EP400: variants seen among roughly 807,000 people sequenced by gnomAD.
EP400 encodes the protein E1A-binding protein p400.
Under a neutral mutation model 354.1 loss-of-function variants are expected in EP400, and 105 were observed. The ratio of observed to expected loss-of-function variants is 0.30; its 90% CI spans 0.25 to 0.35. EP400 has a LOEUF of 0.35. Among genes scored for constraint, EP400 ranks in the 10% least tolerant of loss-of-function variants. The pLI, the probability that EP400 is intolerant of heterozygous loss-of-function variation, is 1.00. For synonymous variants in EP400, 1,646 were observed against 1,716.9 expected (o/e 0.96, Z 1.02); for missense variants, 3,280 against 4,121.0 (o/e 0.80, Z 5.59).
intron 1 of EP400, 85 bp from the exon 2 acceptor site, chr12:131,960,500 T>C: frequency 7.7e-7 from 1 of 1,301,136 alleles, no homozygotes; most frequent in Non-Finnish European, 1.0e-6. Context: ...GAATGTACTT[T>C]CAAAGTGTCT....
intron 23 of EP400, among the ~76,000 whole-genome samples, chr12:132,021,926 A>G (rs1433276437): frequency 1.3e-5 from 2 of 152,178 alleles, no homozygotes; most frequent in Non-Finnish European, 2.9e-5. Context: ...CATGTACCCT[A>G]TTCATTCTGT....
intron 2 of EP400, among the ~76,000 whole-genome samples, chr12:131,978,896 G>T (rs1892577292): frequency 6.6e-6 from 1 of 152,082 alleles, no homozygotes; most frequent in Non-Finnish European, 1.5e-5. Context: ...TCTCATGTAG[G>T]GTGCTAACTA....
rs191593138 is a variant in EP400, at chr12:132,077,846, A to C, written c.*173A>C. The C allele has an allele frequency of 4.6e-6, 4 of 861,380 alleles. No homozygotes were observed. The highest frequency in any genetic ancestry group is 6.9e-6 in the Non-Finnish European group (4 of 579,150). 53.4% of individuals were successfully genotyped at this position (861,380 alleles called of 1,614,324 possible). A position where few individuals can be genotyped will look rare whatever the true frequency, so the allele number is the denominator to read the frequency against. ...AAATGCATCCCACACTGCAGGACAA[A>C]TGGTCCTTATGGAGTGCCGCGTTCT... is the stretch of plus-strand genomic sequence containing the variant. On this transcript the variant is annotated 3_prime_UTR_variant, in exon 53 of 53. Coordinates refer to ENST00000389561, the MANE Select transcript of EP400 (RefSeq NM_015409.5).
At chr12:132,034,691 C>T (rs554987019) in intron 30 of EP400, among the ~76,000 whole-genome samples, 8 of 152,296 alleles carry the variant, frequency 5.3e-5, no homozygotes, top group African/African-American at 1.9e-4. Flanking sequence ...AACTGGAGGG[C>T]CTTTCTGTCA....
chr12:132,028,840 C>G (rs933167833), intron 27 of EP400: 1 of 155,676 alleles, frequency 6.4e-6, no homozygotes, highest in Non-Finnish European at 1.4e-5. Context: ...ATGTTTTCTT[C>G]CCTTCTTTGC....
intron 12 of EP400, among the ~76,000 whole-genome samples, chr12:131,997,930 G>T (rs942248092): frequency 6.6e-6 from 1 of 152,154 alleles, no homozygotes; most frequent in African/African-American, 2.4e-5. Context: ...TGTCAATCTT[G>T]TTCACAAAGA....
Position 132,062,523 on chromosome 12 carries a change from G to GGCAGCAACA in EP400, c.8162_8163insACAGCAGCA (p.Gln2746_Gln2748dup). Reference sequence around the variant, plus strand: ...ACACCTGCACATTTCCAGCTTCTCAGGCAGCAGCAGCAGCAGCAGCAACAA... The same window carrying GGCAGCAACA: ...ACACCTGCACATTTCCAGCTTCTCAGGCAGCAACAGCAGCAGCAGCAGCAGCAGCAACAA... On this transcript the variant is annotated inframe_insertion, in exon 47 of 53. Transcript: ENST00000389561. The GGCAGCAACA allele has an allele frequency of 6.4e-7, 1 of 1,574,220 alleles. No homozygotes were observed. The highest frequency in any genetic ancestry group is 8.7e-7 in the Non-Finnish European group (1 of 1,154,828).
At position 132,037,981 on chromosome 12, in the gene EP400, A is replaced by C; in HGVS notation, c.6092A>C (p.Tyr2031Ser). Reference sequence around the variant, plus strand: ...ACCATCCAGGAGCTGTTTGAAGTTTATTCTCCCATGGATGATGCTGGCTTC... The same window carrying C: ...ACCATCCAGGAGCTGTTTGAAGTTTCTTCTCCCATGGATGATGCTGGCTTC... ...QRTIQELFEV[Y>S]SPMDDAGFPV... is the part of the protein sequence containing the mutation. Residue 2031 changes from tyrosine to serine, a missense_variant, in exon 32 of 53, where the codon TAT becomes TCT. Tyr to Ser is a moderately radical substitution (Grantham distance 144). Transcript: ENST00000389561. 2 of 1,614,230 alleles carry C rather than the reference A, an allele frequency of 1.2e-6. No homozygotes were observed. Among genetic ancestry groups the C allele is most frequent in the Non-Finnish European group, 1.7e-6 (2 of 1,180,036 alleles).
At chr12:132,033,623 C>T (rs891417771) in intron 30 of EP400, among the ~76,000 whole-genome samples, 10 of 152,000 alleles carry the variant, frequency 6.6e-5, no homozygotes, top group Non-Finnish European at 8.8e-5. Context: ...CTTCTATCTC[C>T]TAGGCTCAGG....
chr12:132,035,505 T>C (rs780503785), intron 30 of EP400, among the ~76,000 whole-genome samples: 36 of 152,168 alleles, frequency 2.4e-4, no homozygotes, highest in East Asian at 1.9e-4. Flanking sequence ...TGACGGTACA[T>C]GGAGCATCGT....
At position 132,043,349 on chromosome 12, in the gene EP400, G is replaced by T. The variant is rs778789727; in HGVS notation, c.6253G>T (p.Ala2085Ser). The change falls in exon 33 of 53, where the codon GCA becomes TCA. Residue 2085 changes from alanine (A) to serine (S), a missense_variant. Transcript: ENST00000389561. ...TCTGGAGGAGGATGCCCAGAAGTCC[G>T]CACAGGAGGGGGTGCTGGGACCACA... ...EYLEEDAQKSAQEGVLGPHTD... is the reference protein window; with the variant it reads ...EYLEEDAQKSSQEGVLGPHTD... 10 of 1,613,926 alleles carry T rather than the reference G, an allele frequency of 6.2e-6. No individual in the cohort carries two copies. The highest frequency in any genetic ancestry group is 3.3e-5 in the Admixed American group (2 of 59,974).
In EP400 at chr12:132,033,371, T is replaced by A. The variant is rs116012605; in HGVS notation, c.5951+1222T>A. Among the ~76,000 whole-genome samples the A allele has an allele frequency of 2.1e-3, 314 of 152,262 alleles. 1 individual carries two copies. Among genetic ancestry groups the A allele is most frequent in the African/African-American group, 7.1e-3 (293 of 41,528 alleles). On this transcript the variant is annotated intron_variant, in intron 30 of 52. Transcript: ENST00000389561. ...GTTACAGTGTAATAGTAGATTTACT[T>A]CTTCTGCTTATTTTATGCCTGGTTG...
intron 2 of EP400, among the ~76,000 whole-genome samples, chr12:131,974,595 T>C (rs1411788113): frequency 6.6e-6 from 1 of 152,190 alleles, no homozygotes. Context: ...TTTGGTATTG[T>C]CTCTCCTAAA....
chr12:132,044,092 C>G (rs1340372238), intron 34 of EP400, 85 bp from the exon 35 acceptor site: 2 of 1,562,320 alleles, frequency 1.3e-6, no homozygotes, highest in Admixed American at 3.6e-5. Context: ...GGCTCTGAGA[C>G]AACAGGGAAA....
intron 2 of EP400, among the ~76,000 whole-genome samples, chr12:131,975,469 G>A (rs1790340432): frequency 6.6e-6 from 1 of 152,090 alleles, no homozygotes; most frequent in Non-Finnish European, 1.5e-5. Context: ...CCTGGTTCCT[G>A]GAGTCTTGGG....
chr12:132,013,536 C>T lies in EP400; in HGVS notation c.3658C>T (p.Leu1220=), dbSNP rs753537480. The T allele has an allele frequency of 3.7e-5, 60 of 1,606,980 alleles. No homozygotes were observed. The South Asian group carries it at 6.3e-4, about 17-fold the overall frequency. ...LIDSPLHNTF[L]ELWTMVHFLV... ...CGACTCGCCGCTGCACAATACCTTC[C>T]TGGAGCTCTGGACCATGGTGCACTT... The change falls in exon 18 of 53, where the codon CTG becomes TTG. Residue 1220 remains leucine (L), a synonymous_variant. Transcript: ENST00000389561. The surrounding 1 kb of genome is among the most constrained non-coding windows in gnomAD (Gnocchi z 4.5).
chr12:132,000,170 A>G (rs1893360033), intron 12 of EP400, among the ~76,000 whole-genome samples: 1 of 152,012 alleles, frequency 6.6e-6, no homozygotes, highest in Non-Finnish European at 1.5e-5. Context: ...GCTGAATATC[A>G]TATTTATTAT....
chr12:132,062,206 A>C lies in EP400; in HGVS notation c.7981A>C (p.Met2661Leu), dbSNP rs752991853. 1 of 1,614,156 alleles carries C rather than the reference A, an allele frequency of 6.2e-7. No homozygotes were observed. The highest frequency in any genetic ancestry group is 8.5e-7 in the Non-Finnish European group (1 of 1,180,004). Reference protein sequence around the residue: ...PATATPDLVSMATTQGVRAVT... With the variant: ...PATATPDLVSLATTQGVRAVT... ...CACGGCGACCCCTGACCTGGTGTCC[A>C]TGGCAACGACTCAGGGTGTTCGAGC... The change falls in exon 46 of 53, where the codon ATG (methionine) becomes CTG (leucine). Residue 2661 changes from methionine (M) to leucine (L), a missense_variant. Transcript: ENST00000389561.
chr12:132,018,209 G>A lies in EP400; in HGVS notation c.4111-1G>A. 1 of 1,608,184 alleles carries A rather than the reference G, an allele frequency of 6.2e-7. No individual in the cohort carries two copies. The highest frequency in any genetic ancestry group is 8.5e-7 in the Non-Finnish European group (1 of 1,178,526). On this transcript the variant is annotated splice_acceptor_variant, in intron 20 of 52. Transcript: ENST00000389561. LOFTEE classifies it high-confidence loss of function. The surrounding 1 kb of genome is among the most constrained non-coding windows in gnomAD (Gnocchi z 4.0). ...AAGACTTTTTTTCTTTTTCTCTCTA[G>A]GAAGCAGATCTTTCTATGTTTGATC...
Sources: gnomAD v4.1 joint callset for allele counts (sites outside exome capture counted in the v4.1 genomes callset) on GRCh38, gnomAD v4.1.1 for gene constraint, Gnocchi (gnomAD v3.1) non-coding constraint, MANE v1.5 for transcripts, NCBI Gene and HGNC (gene_info 2026-07-23, HGNC 2026-07-21) for gene names.